Variants in SPATA17 observed in about 807,000 individuals in gnomAD.
The protein encoded by SPATA17 is spermatogenesis-associated protein 17.
SPATA17 carries 53 observed loss-of-function variants against 62.2 expected under a neutral mutation model. The observed-to-expected ratio is 0.85, with a 90% CI of 0.68 to 1.07. SPATA17 has a LOEUF of 1.07. SPATA17 is among the 50% of genes least tolerant of loss of function. The probability of loss-of-function intolerance (pLI) is 0.00; values close to 1 mark genes in which losing one functional copy is unlikely to be tolerated. For synonymous variants in SPATA17, 146 were observed against 146.8 expected, an observed-to-expected ratio of 0.99 and a Z score of 0.04; for missense variants, 466 against 425.5, an observed-to-expected ratio of 1.10 and a Z score of -0.84.
rs1672995721 is a variant in SPATA17 at position 217,754,535 on chromosome 1, A to ACACTTCAGAAATAT, written c.519+12437_519+12438insCACTTCAGAAATAT. 3.3e-5 allele frequency among the ~76,000 whole-genome samples: 5 copies of ACACTTCAGAAATAT among 152,216 alleles called. No homozygotes were observed. The South Asian group carries it at 1.0e-3, about 32-fold the overall frequency. The stretch of plus-strand genomic sequence containing the variant: ...TGAGGACACTTCAGAAATATTTTGG[A>ACACTTCAGAAATAT]TTGAGCCCAGTCATGAGTTAGATGC... On this transcript the variant is annotated intron_variant, in intron 6 of 10. Transcript: ENST00000366933.
chr1:217,648,766 A>G (rs1670243451), intron 1 of SPATA17, 116 bp from the exon 2 acceptor site: 1 of 527,728 alleles, frequency 1.9e-6, no homozygotes, highest in South Asian at 3.9e-5. Flanking sequence ...ATTTAAAATG[A>G]CATTTGAATT....
chr1:217,862,457 T>C (rs1451457227), intron 9 of SPATA17, among the ~76,000 whole-genome samples: 1 of 152,160 alleles, frequency 6.6e-6, no homozygotes, highest in Non-Finnish European at 1.5e-5. Flanking sequence ...CCAATCCCTA[T>C]GAAGCCAAGG....
chr1:217,640,551 G>A (rs1327320774), intron 1 of SPATA17, among the ~76,000 whole-genome samples: 1 of 151,976 alleles, frequency 6.6e-6, no homozygotes, highest in Non-Finnish European at 1.5e-5. Flanking sequence ...GCTCTTATGT[G>A]TACATAAGTT....
intron 9 of SPATA17, among the ~76,000 whole-genome samples, chr1:217,805,756 A>G (rs1558058378): frequency 6.6e-6 from 1 of 152,238 alleles, no homozygotes; most frequent in Non-Finnish European, 1.5e-5. Context: ...AACCTCACAC[A>G]TGTTAGAATG....
At chr1:217,728,573 A>G (rs1440364094) in intron 5 of SPATA17, among the ~76,000 whole-genome samples, 2 of 152,050 alleles carry the variant, frequency 1.3e-5, no homozygotes, top group Admixed American at 1.3e-4. Flanking sequence ...TTTGAAATGT[A>G]TTTCATTTTA....
chr1:217,637,317 C>A (rs542199361), intron 1 of SPATA17, among the ~76,000 whole-genome samples: 1 of 152,060 alleles, frequency 6.6e-6, no homozygotes, highest in Non-Finnish European at 1.5e-5. Flanking sequence ...GATCTAGTGA[C>A]GTTTGATCCG....
intron 9 of SPATA17, chr1:217,850,393 C>T (rs1675621124): frequency 9.4e-7 from 1 of 1,063,538 alleles, no homozygotes; most frequent in Non-Finnish European, 1.4e-6. Context: ...AAATGCAAGA[C>T]TGAAGAACTA....
At chr1:217,813,080 T>G (rs1674632783) in intron 9 of SPATA17, among the ~76,000 whole-genome samples, 1 of 152,176 alleles carries the variant, frequency 6.6e-6, no homozygotes, top group Non-Finnish European at 1.5e-5. Flanking sequence ...TCTAAAGAAT[T>G]AATTTAGAGA....
rs530929194 is a variant in SPATA17, at chr1:217,805,228, G to T, written c.1005+3378G>T. 2.6e-5 allele frequency among the ~76,000 whole-genome samples: 4 copies of T among 152,326 alleles called. 1 individual carries two copies. Among genetic ancestry groups the T allele is most frequent in the African/African-American group, 9.6e-5 (4 of 41,590 alleles). On this transcript the variant is annotated intron_variant, in intron 9 of 10. Transcript: ENST00000366933. ...AAAAGAAGGACATTCTGTCATTTGTGATAACATGGACAACCCTGGAGGATC... is the reference window on the plus strand; with the variant it reads ...AAAAGAAGGACATTCTGTCATTTGTTATAACATGGACAACCCTGGAGGATC...
intron 1 of SPATA17, among the ~76,000 whole-genome samples, chr1:217,635,904 G>A (rs988398287): frequency 4.6e-5 from 7 of 152,074 alleles, no homozygotes; most frequent in Admixed American, 4.6e-4. Flanking sequence ...GGAGGCCAAG[G>A]CGAGCAGATC....
At chr1:217,714,822 T>C (rs1454336174) in intron 5 of SPATA17, among the ~76,000 whole-genome samples, 7 of 152,182 alleles carry the variant, frequency 4.6e-5, no homozygotes, top group Admixed American at 4.6e-4. Flanking sequence ...TATTCAATAA[T>C]AGTCTGACTT....
In SPATA17 at chr1:217,716,830, G is replaced by A. The variant is rs529424575; in HGVS notation, c.396-25145G>A. ...AGTAAATGGAGGGCAATCACAGCAA[G>A]TCATTTATTTAGCACCTATCGTGTG... On this transcript the variant is annotated intron_variant, in intron 5 of 10. Transcript: ENST00000366933. Among the ~76,000 whole-genome samples the A allele has an allele frequency of 2.6e-5, 4 of 152,304 alleles. No individual in the cohort carries two copies. The East Asian group carries it at 7.7e-4, about 29-fold the overall frequency.
intron 1 of SPATA17, among the ~76,000 whole-genome samples, chr1:217,641,296 ATC>A (rs1441539415): frequency 5.9e-5 from 9 of 152,234 alleles, no homozygotes; most frequent in African/African-American, 2.2e-4. Flanking sequence ...TTTGGAGGCA[ATC>A]TCTGAACAAA....
chr1:217,834,763 T>C (rs1052462366), intron 9 of SPATA17, among the ~76,000 whole-genome samples: 10 of 152,276 alleles, frequency 6.6e-5, no homozygotes, highest in African/African-American at 2.4e-4. Flanking sequence ...TTTATAAATT[T>C]AGTGTAGTCT....
chr1:217,774,173 T>TA (rs1300185121), intron 6 of SPATA17, among the ~76,000 whole-genome samples, 161 bp from the exon 7 acceptor site: 2 of 152,210 alleles, frequency 1.3e-5, no homozygotes, highest in Non-Finnish European at 2.9e-5. Context: ...GAGTATTTTG[T>TA]AAAATCTCTT....
chr1:217,676,651 C>A (rs1670952141), intron 4 of SPATA17, among the ~76,000 whole-genome samples: 1 of 152,044 alleles, frequency 6.6e-6, no homozygotes, highest in Non-Finnish European at 1.5e-5. Flanking sequence ...CCTTGTAATG[C>A]CTTTGAAAAG....
At chr1:217,824,889 A>G (rs960161135) in intron 9 of SPATA17, among the ~76,000 whole-genome samples, 5 of 151,026 alleles carry the variant, frequency 3.3e-5, no homozygotes, top group African/African-American at 7.2e-5. Flanking sequence ...AGATGTAAAT[A>G]TCCTACAATA....
intron 6 of SPATA17, among the ~76,000 whole-genome samples, chr1:217,749,985 C>CTCTCTCTATA: frequency 2.3e-3 from 28 of 12,308 alleles, no homozygotes; most frequent in East Asian, 9.2e-3. Context: ...CTCTCTCTCT[C>CTCTCTCTATA]TATATATATA....
chr1:217,766,724 T>TC (rs1553250759), intron 6 of SPATA17, among the ~76,000 whole-genome samples: 3,427 of 88,078 alleles, frequency 0.039, 138 homozygotes, highest in African/African-American at 0.12. Context: ...CGTTCTCTTT[T>TC]TTTTTTTTTT....
Sources: allele counts gnomAD v4.1 joint callset (sites outside exome capture counted in the v4.1 genomes callset), GRCh38; gene constraint gnomAD v4.1.1; transcripts MANE v1.5; gene names NCBI Gene and HGNC (gene_info 2026-07-23, HGNC 2026-07-21).